The following MACROD2 variants were observed in gnomAD, a reference collection of about 807,000 sequenced individuals.
MACROD2 encodes the protein mono-ADP ribosylhydrolase 2, also known as ADP-ribose glycohydrolase MACROD2.
In MACROD2, 36 loss-of-function variants were observed where a neutral mutation model predicts 70.4. The observed-to-expected ratio is 0.51, with a 90% CI of 0.39 to 0.68. The LOEUF (loss-of-function observed/expected upper bound fraction) is 0.68, where lower values mean the gene tolerates loss of function less well. Among genes scored for constraint, MACROD2 ranks in the 30% least tolerant of loss-of-function variants. The pLI is 0.00. For missense variants in MACROD2, 496 were observed against 538.4 expected (o/e 0.92, Z 0.78); for synonymous variants, 172 against 178.8 (o/e 0.96, Z 0.30).
At chr20:14,605,506 C>T (rs897483252) in intron 4 of MACROD2, among the ~76,000 whole-genome samples, 7 of 152,164 alleles carry the variant, frequency 4.6e-5, no homozygotes, top group African/African-American at 1.7e-4. Flanking sequence ...AGGTCCCACT[C>T]GTAGGTGCTG....
intron 8 of MACROD2, among the ~76,000 whole-genome samples, chr20:15,769,000 C>T (rs1225601510): frequency 1.3e-5 from 2 of 152,260 alleles, no homozygotes; most frequent in South Asian, 4.1e-4. Context: ...ATAATGATAC[C>T]TTCTTCTGGA....
At chr20:15,545,135 A>T (rs1233726) in intron 8 of MACROD2, among the ~76,000 whole-genome samples, 148,726 of 152,360 alleles carry the variant, frequency 0.98, 72,609 homozygotes, top group East Asian at 1. Flanking sequence ...TCAAAGGATG[A>T]TTTCTCCGTG....
intron 13 of MACROD2, among the ~76,000 whole-genome samples, chr20:15,968,614 T>G (rs1206185247): frequency 6.6e-6 from 1 of 151,754 alleles, no homozygotes; most frequent in Non-Finnish European, 1.5e-5. Context: ...GAAAATGTCT[T>G]ACCTAAATAT....
At chr20:15,117,725 C>A (rs975789714) in intron 5 of MACROD2, among the ~76,000 whole-genome samples, 1 of 152,132 alleles carries the variant, frequency 6.6e-6, no homozygotes, top group Non-Finnish European at 1.5e-5. Context: ...CATGCACTCT[C>A]ATTCAATGTT....
chr20:14,445,459 C>G (rs143168884), intron 3 of MACROD2, among the ~76,000 whole-genome samples: 1 of 152,196 alleles, frequency 6.6e-6, no homozygotes, highest in East Asian at 1.9e-4. Context: ...TGTTCATCAT[C>G]ATGTTATTTA....
intron 4 of MACROD2, among the ~76,000 whole-genome samples, chr20:14,543,804 A>G (rs1318943184): frequency 6.6e-6 from 1 of 152,218 alleles, no homozygotes; most frequent in Non-Finnish European, 1.5e-5. Flanking sequence ...CTCTCTGTAG[A>G]TAATACTTAG....
intron 5 of MACROD2, among the ~76,000 whole-genome samples, chr20:14,927,539 T>C (rs1052577084): frequency 6.6e-6 from 1 of 152,240 alleles, no homozygotes; most frequent in Non-Finnish European, 1.5e-5. Context: ...ATGCAGCTAA[T>C]AGTTTGTGTT....
At chr20:14,955,168 TATATA>T (rs1295357712) in intron 5 of MACROD2, among the ~76,000 whole-genome samples, 12 of 111,172 alleles carry the variant, frequency 1.1e-4, no homozygotes, top group African/African-American at 3.3e-4. Context: ...TTATATAATT[TATATA>T]ATATAATATA....
chr20:15,515,093 G>C (rs2047549581), intron 8 of MACROD2, among the ~76,000 whole-genome samples: 1 of 152,172 alleles, frequency 6.6e-6, no homozygotes, highest in South Asian at 2.1e-4. Flanking sequence ...TTATTGTCTT[G>C]CCTTTAGCAC....
intron 4 of MACROD2, chr20:14,621,859 G>A (rs1050151160): frequency 6.6e-6 from 1 of 152,196 alleles, no homozygotes; most frequent in Non-Finnish European, 1.5e-5. Context: ...ACTACCTGGT[G>A]CAGCTGAGCA....
chr20:15,817,739 C>G, intron 8 of MACROD2, among the ~76,000 whole-genome samples: 1 of 152,112 alleles, frequency 6.6e-6, no homozygotes, highest in East Asian at 1.9e-4. Flanking sequence ...ATTTTTGCCA[C>G]CATCCTCCTC....
chr20:14,321,836 C>T lies in MACROD2; in HGVS notation c.272-171643C>T, dbSNP rs540651787. Among the ~76,000 whole-genome samples the T allele has an allele frequency of 2.2e-3, 328 of 152,154 alleles. 3 individuals are homozygous for T. The highest frequency in any genetic ancestry group is 7.6e-3 in the African/African-American group (314 of 41,502). ...ATCGGCCTTCCTGTAAGATAGAGCA[C>T]AGTGTCATTTTTAATAGGGAGCAAG... On this transcript the variant is annotated intron_variant, in intron 3 of 17. Coordinates refer to ENST00000684519, the MANE Select transcript of MACROD2 (RefSeq NM_001351661.2).
chr20:15,104,633 G>A (rs1601080889), intron 5 of MACROD2, among the ~76,000 whole-genome samples: 1 of 151,890 alleles, frequency 6.6e-6, no homozygotes, highest in South Asian at 2.1e-4. Flanking sequence ...ACATACCTGC[G>A]GATCTCGTTG....
intron 6 of MACROD2, among the ~76,000 whole-genome samples, chr20:15,340,976 G>C (rs1476474182): frequency 6.6e-6 from 1 of 152,112 alleles, no homozygotes; most frequent in Non-Finnish European, 1.5e-5. Flanking sequence ...TTTGAATAGA[G>C]AGTTGGGAAT....
chr20:14,832,678 G>A (rs1006675795), intron 5 of MACROD2, among the ~76,000 whole-genome samples: 2 of 152,100 alleles, frequency 1.3e-5, no homozygotes, highest in Non-Finnish European at 2.9e-5. Flanking sequence ...TTTCCTGTTT[G>A]CATCTCAGTT....
intron 5 of MACROD2, chr20:14,894,244 T>A (rs1437268339): frequency 6.6e-6 from 1 of 151,788 alleles, no homozygotes; most frequent in Non-Finnish European, 1.5e-5. Context: ...TTTGTTTTGT[T>A]TTTTGAGATG....
intron 8 of MACROD2, among the ~76,000 whole-genome samples, chr20:15,680,662 C>G (rs1430838970): frequency 6.6e-6 from 1 of 152,110 alleles, no homozygotes; most frequent in African/African-American, 2.4e-5. Context: ...CCAGTTCCCC[C>G]AGAAAACAGT....
intron 6 of MACROD2, among the ~76,000 whole-genome samples, chr20:15,245,790 C>T (rs1291327267): frequency 6.6e-6 from 1 of 152,124 alleles, no homozygotes; most frequent in Non-Finnish European, 1.5e-5. Context: ...AGCTATGATG[C>T]TTGATAGGTT....
At chr20:15,772,398 A>G (rs998962511) in intron 8 of MACROD2, among the ~76,000 whole-genome samples, 1 of 151,984 alleles carries the variant, frequency 6.6e-6, no homozygotes. Context: ...GAAATTTTCA[A>G]GGTCGTAGGG....
Sources: allele counts gnomAD v4.1 joint callset (sites outside exome capture counted in the v4.1 genomes callset), GRCh38; gene constraint gnomAD v4.1.1; transcripts MANE v1.5; gene names NCBI Gene and HGNC (gene_info 2026-07-23, HGNC 2026-07-21).